Variants in GAB1 observed in about 807,000 individuals in gnomAD.
The protein encoded by GAB1 is GRB2-associated-binding protein 1.
Under a neutral mutation model 66.5 loss-of-function variants are expected in GAB1, and 19 were observed. That is an observed-to-expected ratio of 0.29 (90% CI 0.20 to 0.42). The LOEUF is 0.42. Ranked by LOEUF, GAB1 falls within the 10% of genes least tolerant of loss-of-function variation. The pLI is 1.00. For missense variants in GAB1, 732 were observed against 858.5 expected, an observed-to-expected ratio of 0.85 and a Z score of 1.84; for synonymous variants, 294 against 301.4, an observed-to-expected ratio of 0.98 and a Z score of 0.25.
chr4:143,467,716 G>A (rs1735865989), intron 9 of GAB1, among the ~76,000 whole-genome samples: 1 of 152,130 alleles, frequency 6.6e-6, no homozygotes, highest in Non-Finnish European at 1.5e-5. Flanking sequence ...GGAACCAGGA[G>A]GTGCTACCAT....
intron 1 of GAB1, among the ~76,000 whole-genome samples, chr4:143,386,622 A>G (rs1730930429): frequency 6.6e-6 from 1 of 152,324 alleles, no homozygotes; most frequent in South Asian, 2.1e-4. Flanking sequence ...TTCTGGGCTC[A>G]AGCAATCCAT....
intron 2 of GAB1, among the ~76,000 whole-genome samples, chr4:143,432,756 A>G (rs541681040): frequency 6.6e-6 from 1 of 152,182 alleles, no homozygotes; most frequent in Non-Finnish European, 1.5e-5. Flanking sequence ...AGAATTTCAC[A>G]TGGTTTTCAA....
At chr4:143,359,318 T>A (rs1252972584) in intron 1 of GAB1, among the ~76,000 whole-genome samples, 2 of 152,228 alleles carry the variant, frequency 1.3e-5, no homozygotes, top group Non-Finnish European at 2.9e-5. Flanking sequence ...GAAAGTAGAT[T>A]ATTAACTATT....
intron 1 of GAB1, among the ~76,000 whole-genome samples, chr4:143,400,221 G>A (rs892649431): frequency 5.9e-5 from 9 of 152,108 alleles, no homozygotes; most frequent in Non-Finnish European, 1.3e-4. Context: ...GGGACTACAG[G>A]CGTGAGCCAC....
At chr4:143,422,113 G>T (rs1020626873) in intron 2 of GAB1, among the ~76,000 whole-genome samples, 1 of 151,990 alleles carries the variant, frequency 6.6e-6, no homozygotes, top group Non-Finnish European at 1.5e-5. Flanking sequence ...ATAAAAAACG[G>T]TGTATTTAGA....
intron 1 of GAB1, among the ~76,000 whole-genome samples, chr4:143,342,614 G>A (rs552485866): frequency 8.3e-6 from 1 of 120,894 alleles, no homozygotes; most frequent in African/African-American, 3.2e-5. Context: ...ACAATGGCAT[G>A]ATCTTGGCTC....
chr4:143,363,839 G>A (rs1054416330), intron 1 of GAB1, among the ~76,000 whole-genome samples: 6 of 152,100 alleles, frequency 3.9e-5, no homozygotes, highest in Admixed American at 1.3e-4. Context: ...AGGTGGACTA[G>A]GATGTTCCCC....
At chr4:143,450,465 A>G (rs991191111) in intron 6 of GAB1, among the ~76,000 whole-genome samples, 1 of 152,240 alleles carries the variant, frequency 6.6e-6, no homozygotes, top group Non-Finnish European at 1.5e-5. Context: ...GTAGTTACCT[A>G]TTAGAATAAT....
At chr4:143,343,920 T>G (rs1303318071) in intron 1 of GAB1, among the ~76,000 whole-genome samples, 1 of 152,232 alleles carries the variant, frequency 6.6e-6, no homozygotes, top group Non-Finnish European at 1.5e-5. Context: ...AGTTTTTGTT[T>G]CTGCTAAGAT....
chr4:143,339,166 TTGGAC>T (rs1313166151), intron 1 of GAB1, among the ~76,000 whole-genome samples: 2 of 152,254 alleles, frequency 1.3e-5, no homozygotes, highest in African/African-American at 4.8e-5. Flanking sequence ...GCCTGATTGA[TTGGAC>T]TGTAAAAGGT....
chr4:143,426,640 A>G (rs1020391216), intron 2 of GAB1, among the ~76,000 whole-genome samples: 1 of 152,242 alleles, frequency 6.6e-6, no homozygotes, highest in African/African-American at 2.4e-5. Flanking sequence ...TGTGTAATGC[A>G]CAATGCATAG....
chr4:143,396,523 G>A (rs975084381), intron 1 of GAB1, among the ~76,000 whole-genome samples: 3 of 152,124 alleles, frequency 2.0e-5, no homozygotes, highest in African/African-American at 7.2e-5. Flanking sequence ...ATGTCATTCT[G>A]GTTGAGGGAC....
chr4:143,462,090 A>C (rs1735522738), intron 8 of GAB1, among the ~76,000 whole-genome samples: 1 of 152,184 alleles, frequency 6.6e-6, no homozygotes, highest in Admixed American at 6.5e-5. Flanking sequence ...CATCTATAAA[A>C]ATTTTTAAAT....
chr4:143,364,762 G>A (rs1581230437), intron 1 of GAB1, among the ~76,000 whole-genome samples: 3 of 150,784 alleles, frequency 2.0e-5, no homozygotes, highest in South Asian at 2.1e-4. Context: ...CACTCCCCGC[G>A]TCCCACATCA....
intron 9 of GAB1, among the ~76,000 whole-genome samples, chr4:143,468,208 CTTTTTTTTTT>C (rs780138131): frequency 1.4e-4 from 10 of 70,054 alleles, no homozygotes; most frequent in African/African-American, 2.8e-4. Context: ...AGTTTGAATT[CTTTTTTTTTT>C]TTTTTTTTTT....
At chr4:143,368,940 ACACCCG>A (rs1361169875) in intron 1 of GAB1, among the ~76,000 whole-genome samples, 6 of 151,844 alleles carry the variant, frequency 4.0e-5, no homozygotes, top group African/African-American at 1.5e-4. Context: ...GCCCATCACC[ACACCCG>A]GCCAATTTTT....
At chr4:143,439,933 A>G (rs746304888) in intron 5 of GAB1, 46 bp downstream of exon 5, 2 of 1,486,922 alleles carry the variant, frequency 1.3e-6, no homozygotes, top group Non-Finnish European at 1.9e-6. Context: ...TTCATTGTCT[A>G]AATCTTCATA....
chr4:143,363,648 C>A (rs1729752886), intron 1 of GAB1, among the ~76,000 whole-genome samples: 1 of 152,172 alleles, frequency 6.6e-6, no homozygotes, highest in South Asian at 2.1e-4. Context: ...ATCAAATTTG[C>A]AGAATCTTTA....
intron 1 of GAB1, among the ~76,000 whole-genome samples, chr4:143,383,927 T>C (rs1343548906): frequency 1.3e-5 from 2 of 152,044 alleles, no homozygotes; most frequent in East Asian, 3.9e-4. Context: ...GTGAAAAAAC[T>C]ACCCGGGCGT....
Sources: allele counts gnomAD v4.1 joint callset (sites outside exome capture counted in the v4.1 genomes callset), GRCh38; gene constraint gnomAD v4.1.1; transcripts MANE v1.5; gene names NCBI Gene and HGNC (gene_info 2026-07-23, HGNC 2026-07-21).